Variants in ADARB1 observed in about 807,000 individuals in gnomAD.
ADARB1 encodes the protein double-stranded RNA-specific editase 1.
ADARB1 carries 10 observed loss-of-function variants against 52.4 expected under a neutral mutation model. That is an observed-to-expected ratio of 0.19 (90% CI 0.12 to 0.32). ADARB1 has a LOEUF of 0.32. Among genes scored for constraint, ADARB1 ranks in the 10% least tolerant of loss-of-function variants. The probability of loss-of-function intolerance (pLI) is 1.00; values close to 1 mark genes in which losing one functional copy is unlikely to be tolerated. For missense variants in ADARB1, 643 were observed against 922.3 expected, an observed-to-expected ratio of 0.70 and a Z score of 3.92; for synonymous variants, 349 against 371.1, an observed-to-expected ratio of 0.94 and a Z score of 0.68.
chr21:45,175,909 A>T lies in ADARB1; in HGVS notation c.208A>T (p.Arg70Trp), dbSNP rs760230700. The change falls in exon 4 of 11, where the codon AGG becomes TGG. Residue 70 changes from arginine to tryptophan, a missense_variant. By Grantham distance (101) the Arg-to-Trp change is moderately radical. Coordinates refer to ENST00000348831, the MANE Select transcript of ADARB1 (RefSeq NM_001112.4). The part of the protein sequence containing the change: ...NGHSKYRLKK[R>W]RKTPGPVLPK... The stretch of plus-strand genomic sequence containing the variant: ...CCACTCCAAGTACCGCCTGAAGAAA[A>T]GGAGGAAAACACCAGGGCCCGTCCT... 50 of 1,609,862 alleles carry T rather than the reference A, an allele frequency of 3.1e-5. 1 individual carries two copies. In the South Asian group the frequency reaches 5.1e-4, roughly 16 times the overall value.
intron 1 of ADARB1, among the ~76,000 whole-genome samples, chr21:45,105,467 G>T (rs1441650657): frequency 1.3e-5 from 2 of 152,014 alleles, no homozygotes; most frequent in African/African-American, 2.4e-5. Context: ...TTTCATTTTG[G>T]CCTAAGTATG....
chr21:45,121,780 G>A (rs1014174231), intron 1 of ADARB1, among the ~76,000 whole-genome samples: 1 of 152,034 alleles, frequency 6.6e-6, no homozygotes, highest in African/African-American at 2.4e-5. Flanking sequence ...AGTCCAATTG[G>A]TCATTCTTAG....
At chr21:45,114,417 A>C (rs903596273) in intron 1 of ADARB1, among the ~76,000 whole-genome samples, 3 of 152,142 alleles carry the variant, frequency 2.0e-5, no homozygotes, top group African/African-American at 7.2e-5. Context: ...TAAAGCCTTG[A>C]TGCTCAGGCC....
intron 1 of ADARB1, among the ~76,000 whole-genome samples, chr21:45,093,672 G>T (rs1240376017): frequency 1.3e-5 from 2 of 152,184 alleles, no homozygotes; most frequent in Admixed American, 6.5e-5. Context: ...TTCTCCAGGG[G>T]GCTCCTCACC....
chr21:45,183,581 A>AG, intron 7 of ADARB1, 71 bp downstream of exon 7: 1 of 1,525,040 alleles, frequency 6.6e-7, no homozygotes, highest in East Asian at 2.3e-5. Context: ...AACCTGTGTT[A>AG]ATATCCCTTT....
At chr21:45,207,690 C>T (rs996208722) in intron 9 of ADARB1, among the ~76,000 whole-genome samples, 13 of 152,192 alleles carry the variant, frequency 8.5e-5, no homozygotes, top group Non-Finnish European at 1.6e-4. Context: ...TCACAGCTCA[C>T]GTCGTGTTTG....
chr21:45,162,700 A>G (rs2091037393), intron 2 of ADARB1, among the ~76,000 whole-genome samples: 1 of 152,234 alleles, frequency 6.6e-6, no homozygotes, highest in Non-Finnish European at 1.5e-5. Context: ...GCTGATGCCC[A>G]TGAGCGCTCC....
At chr21:45,075,981 T>C (rs2085917255) in intron 1 of ADARB1, among the ~76,000 whole-genome samples, 1 of 152,262 alleles carries the variant, frequency 6.6e-6, no homozygotes, top group South Asian at 2.1e-4. Flanking sequence ...ATGTATTTAA[T>C]CCTCTTTGTT....
intron 1 of ADARB1, among the ~76,000 whole-genome samples, chr21:45,095,698 G>C (rs965529622): frequency 2.0e-5 from 3 of 152,186 alleles, no homozygotes; most frequent in African/African-American, 7.2e-5. Context: ...AGGCAGGAAG[G>C]GGTGTCTCTG....
At position 45,128,086 on chromosome 21, in the gene ADARB1, G is replaced by A. The variant is rs1024298133; in HGVS notation, c.-219-316G>A. Among the ~76,000 whole-genome samples the A allele has an allele frequency of 6.6e-6, 1 of 152,204 alleles. No homozygotes were observed. The highest frequency in any genetic ancestry group is 1.5e-5 in the Non-Finnish European group (1 of 68,036). ...TGAATTGTAAAAAAGATGAGTACGTGTGAGATTCTGCCTGAGACTCCAGTC... is the reference window on the plus strand; with the variant it reads ...TGAATTGTAAAAAAGATGAGTACGTATGAGATTCTGCCTGAGACTCCAGTC... On this transcript the variant is annotated intron_variant, in intron 1 of 10. Coordinates refer to ENST00000348831, the MANE Select transcript of ADARB1 (RefSeq NM_001112.4). This position sits in a 1 kb window ranked among gnomAD's most constrained non-coding sequence, Gnocchi z 4.6.
At chr21:45,160,672 C>T (rs1194306648) in intron 2 of ADARB1, among the ~76,000 whole-genome samples, 8 of 152,150 alleles carry the variant, frequency 5.3e-5, no homozygotes, top group South Asian at 2.1e-4. Flanking sequence ...CCAGTCATAA[C>T]GTTATGGATT....
chr21:45,102,178 C>T (rs988389144), intron 1 of ADARB1, among the ~76,000 whole-genome samples: 2 of 152,220 alleles, frequency 1.3e-5, no homozygotes, highest in Non-Finnish European at 2.9e-5. Flanking sequence ...AGATGTGAGC[C>T]ACCATGCCTG....
At chr21:45,121,701 A>G (rs1008778331) in intron 1 of ADARB1, among the ~76,000 whole-genome samples, 2 of 151,976 alleles carry the variant, frequency 1.3e-5, no homozygotes, top group Non-Finnish European at 2.9e-5. Context: ...AAACCTGTCC[A>G]CTGAGCTTTT....
chr21:45,221,068 C>A lies in ADARB1; in HGVS notation c.1926+54C>A. ...CGGCTCCACCTCCCCAATAGCTTGT[C>A]TGTCCTCACACCTACTGTTCCTTAA... On this transcript the variant is annotated intron_variant, in intron 10 of 10. Coordinates refer to ENST00000348831, the MANE Select transcript of ADARB1 (RefSeq NM_001112.4). The surrounding 1 kb of genome is among the most constrained non-coding windows in gnomAD (Gnocchi z 4.9). 1 of 1,536,944 alleles carries A rather than the reference C, an allele frequency of 6.5e-7. No homozygotes were observed. The highest frequency in any genetic ancestry group is 1.2e-5 in the South Asian group (1 of 85,256).
At chr21:45,189,433 A>T (rs1271448977) in intron 8 of ADARB1, among the ~76,000 whole-genome samples, 1 of 152,216 alleles carries the variant, frequency 6.6e-6, no homozygotes, top group Non-Finnish European at 1.5e-5. Flanking sequence ...ATCCATTAAT[A>T]TACATTGTAG....
chr21:45,196,983 G>A (rs2092438675), intron 8 of ADARB1, among the ~76,000 whole-genome samples: 1 of 152,144 alleles, frequency 6.6e-6, no homozygotes, highest in Non-Finnish European at 1.5e-5. Context: ...CTTGAGGTCA[G>A]GAGTTCGAAA....
chr21:45,198,694 C>T (rs1310807992), intron 8 of ADARB1, among the ~76,000 whole-genome samples: 1 of 152,140 alleles, frequency 6.6e-6, no homozygotes, highest in Non-Finnish European at 1.5e-5. Context: ...AAGAATTCTG[C>T]AGCTCATTGT....
chr21:45,176,424 C>T lies in ADARB1; in HGVS notation c.723C>T (p.Asn241=), dbSNP rs139706517. Residue 241 remains asparagine (N), a synonymous_variant, in exon 4 of 11, where the codon AAC becomes AAT. Transcript: ENST00000348831. The surrounding 1 kb of genome is among the most constrained non-coding windows in gnomAD (Gnocchi z 5.8). ...PSGKNPVMIL[N]ELRPGLKYDF... is the part of the protein sequence containing the mutation. ...GGAAGAATCCCGTGATGATCTTGAACGAACTGCGCCCAGGACTCAAGTATG... is the reference window on the plus strand; with the variant it reads ...GGAAGAATCCCGTGATGATCTTGAATGAACTGCGCCCAGGACTCAAGTATG... 539 of 1,614,200 alleles carry T rather than the reference C, an allele frequency of 3.3e-4. 1 individual carries two copies. In the Middle Eastern group the frequency reaches 5.3e-3, roughly 16 times the overall value.
intron 1 of ADARB1, among the ~76,000 whole-genome samples, chr21:45,115,184 G>A (rs968675376): frequency 1.3e-5 from 2 of 152,312 alleles, no homozygotes; most frequent in Non-Finnish European, 2.9e-5. Flanking sequence ...AGAAATACAT[G>A]GTTTTGGATG....
Sources: gnomAD v4.1 joint callset for allele counts (sites outside exome capture counted in the v4.1 genomes callset) on GRCh38, gnomAD v4.1.1 for gene constraint, Gnocchi (gnomAD v3.1) non-coding constraint, MANE v1.5 for transcripts, NCBI Gene and HGNC (gene_info 2026-07-23, HGNC 2026-07-21) for gene names.